SCFD2: variants seen among roughly 807,000 people sequenced by gnomAD.
SCFD2 encodes sec1 family domain containing 2, also known as sec1 family domain-containing protein 2.
Under a neutral mutation model 58.9 loss-of-function variants are expected in SCFD2, and 54 were observed. The ratio of observed to expected loss-of-function variants is 0.92; its 90% CI spans 0.74 to 1.15. SCFD2 has a LOEUF of 1.15. Ranked by LOEUF, SCFD2 falls within the 50% of genes most tolerant of loss-of-function variation. The pLI is 0.00. For synonymous variants in SCFD2, 321 were observed against 335.9 expected (o/e 0.96, Z 0.49); for missense variants, 805 against 836.6 (o/e 0.96, Z 0.47).
intron 5 of SCFD2, among the ~76,000 whole-genome samples, chr4:52,994,898 T>C (rs13110639): frequency 0.037 from 5,664 of 152,278 alleles, 158 homozygotes; most frequent in Non-Finnish European, 0.06. Flanking sequence ...ATGTTAATGA[T>C]AGCAACCAAC....
intron 4 of SCFD2, among the ~76,000 whole-genome samples, chr4:53,175,880 C>T (rs1277795954): frequency 1.3e-5 from 2 of 152,202 alleles, no homozygotes; most frequent in Non-Finnish European, 2.9e-5. Context: ...CATAAGGAAT[C>T]TTTATATCTT....
chr4:52,991,584 G>C (rs1041876468), intron 5 of SCFD2, among the ~76,000 whole-genome samples: 1 of 152,176 alleles, frequency 6.6e-6, no homozygotes, highest in Non-Finnish European at 1.5e-5. Context: ...TTCACTGAAG[G>C]CTCAGGGAGA....
chr4:53,303,367 GT>G (rs1469525246), intron 3 of SCFD2, among the ~76,000 whole-genome samples: 2 of 152,172 alleles, frequency 1.3e-5, no homozygotes, highest in African/African-American at 4.8e-5. Flanking sequence ...ATCATCACTG[GT>G]CATCAGAGAA....
In SCFD2 at chr4:53,169,287, C is replaced by A. The variant is rs73143478; in HGVS notation, c.1312-23705G>T. ...GCCGAGGCAAGAGAATCTCTTGAACCTGGGAGGCAGTTTTCAGTGAGCCGA... is the reference window on the plus strand; with the variant it reads ...GCCGAGGCAAGAGAATCTCTTGAACATGGGAGGCAGTTTTCAGTGAGCCGA... On this transcript the variant is annotated intron_variant, in intron 4 of 8. Transcript: ENST00000401642. 9.5e-3 allele frequency among the ~76,000 whole-genome samples: 1,445 copies of A among 152,176 alleles called. 21 individuals carry two copies. Among genetic ancestry groups the A allele is most frequent in the African/African-American group, 0.033 (1,366 of 41,516 alleles).
chr4:52,947,142 A>C lies in SCFD2; in HGVS notation c.1562-26272T>G, dbSNP rs535899581. ...CTCAGCTAGAAAAAAGTCTTGGCAA[A>C]CTGCACTACAATAATCATTTCTCCC... On this transcript the variant is annotated intron_variant, in intron 5 of 8. Coordinates refer to ENST00000401642, the MANE Select transcript of SCFD2 (RefSeq NM_152540.4). Among the ~76,000 whole-genome samples, 9 of 152,250 alleles carry C rather than the reference A, an allele frequency of 5.9e-5. No individual in the cohort carries two copies. The East Asian group carries it at 1.7e-3, about 29-fold the overall frequency.
chr4:53,197,867 T>C (rs1270485269), intron 4 of SCFD2, among the ~76,000 whole-genome samples: 1 of 151,664 alleles, frequency 6.6e-6, no homozygotes, highest in African/African-American at 2.4e-5. Context: ...TTCAAAAATA[T>C]GGGGTAAAAA....
chr4:53,061,439 G>C (rs1046718290), intron 5 of SCFD2, among the ~76,000 whole-genome samples: 2 of 152,116 alleles, frequency 1.3e-5, no homozygotes, highest in Non-Finnish European at 2.9e-5. Context: ...CAGAGCTCCT[G>C]CTCTAAATCA....
intron 1 of SCFD2, 44 bp from the exon 2 acceptor site, chr4:53,352,810 A>G: frequency 6.5e-7 from 1 of 1,531,754 alleles, no homozygotes; most frequent in Non-Finnish European, 9.0e-7. Context: ...AAATGGGAGG[A>G]AAAAGCAAGT....
At chr4:53,201,294 C>T (rs1003878874) in intron 4 of SCFD2, among the ~76,000 whole-genome samples, 2 of 151,824 alleles carry the variant, frequency 1.3e-5, no homozygotes, top group Non-Finnish European at 2.9e-5. Flanking sequence ...TTCTCCTTGC[C>T]ATAGTTTGCT....
intron 4 of SCFD2, 127 bp from the exon 5 acceptor site, chr4:53,145,709 T>C (rs950835877): frequency 7.8e-5 from 68 of 866,948 alleles, no homozygotes; most frequent in Non-Finnish European, 1.0e-4. Flanking sequence ...TCACTTTTTA[T>C]TTGTGTGTTT....
chr4:53,045,350 T>C (rs1395232141), intron 5 of SCFD2, among the ~76,000 whole-genome samples: 1 of 152,190 alleles, frequency 6.6e-6, no homozygotes, highest in Non-Finnish European at 1.5e-5. Context: ...AAGTATGGTA[T>C]GGGCACTTAA....
intron 5 of SCFD2, among the ~76,000 whole-genome samples, chr4:52,999,290 T>C (rs1307155643): frequency 6.6e-6 from 1 of 152,212 alleles, no homozygotes; most frequent in Non-Finnish European, 1.5e-5. Flanking sequence ...CCAATACCAG[T>C]GTGAATGACC....
chr4:52,978,130 G>A (rs1721293927), intron 5 of SCFD2, among the ~76,000 whole-genome samples: 1 of 152,202 alleles, frequency 6.6e-6, no homozygotes, highest in Admixed American at 6.5e-5. Context: ...GGTGAAGCAT[G>A]GAATGAAAGG....
At chr4:52,919,179 G>A (rs948600597) in intron 6 of SCFD2, among the ~76,000 whole-genome samples, 3 of 152,116 alleles carry the variant, frequency 2.0e-5, no homozygotes, top group South Asian at 2.1e-4. Context: ...ACATGTTTAC[G>A]TGAAGTTGGC....
intron 5 of SCFD2, among the ~76,000 whole-genome samples, chr4:53,042,171 G>A: frequency 6.6e-6 from 1 of 151,992 alleles, no homozygotes; most frequent in East Asian, 1.9e-4. Flanking sequence ...ACTGCAACAG[G>A]GTTTTCTCTC....
intron 7 of SCFD2, among the ~76,000 whole-genome samples, chr4:52,887,548 C>T (rs889337211): frequency 6.6e-6 from 1 of 152,102 alleles, no homozygotes; most frequent in African/African-American, 2.4e-5. Context: ...TAGTGTGAGT[C>T]AAGTTCCAGA....
intron 4 of SCFD2, among the ~76,000 whole-genome samples, chr4:53,145,822 A>G (rs1726313122): frequency 6.6e-6 from 1 of 152,186 alleles, no homozygotes. Context: ...CCATTATATC[A>G]TCTTAACATT....
At chr4:52,969,187 C>T (rs12512878) in intron 5 of SCFD2, among the ~76,000 whole-genome samples, 55,073 of 151,920 alleles carry the variant, frequency 0.36, 11,112 homozygotes, top group Admixed American at 0.52. Context: ...GCTATAAATT[C>T]CCACTTGCTT....
chr4:53,112,310 A>G (rs1725195439), intron 5 of SCFD2, among the ~76,000 whole-genome samples: 1 of 152,178 alleles, frequency 6.6e-6, no homozygotes, highest in Non-Finnish European at 1.5e-5. Context: ...TAAACATCTT[A>G]TATTACAAAA....
Sources: allele counts gnomAD v4.1 joint callset (sites outside exome capture counted in the v4.1 genomes callset), GRCh38; gene constraint gnomAD v4.1.1; transcripts MANE v1.5; gene names NCBI Gene and HGNC (gene_info 2026-07-23, HGNC 2026-07-21).